Variants in NEK1 observed in about 807,000 individuals in gnomAD.
NEK1 encodes the protein serine/threonine-protein kinase Nek1.
A neutral mutation model predicts 182.1 loss-of-function variants in NEK1; 137 were observed. The observed-to-expected ratio is 0.75, with a 90% CI of 0.65 to 0.87. The LOEUF is 0.87. Among genes scored for constraint, NEK1 ranks in the 40% least tolerant of loss-of-function variants. The pLI is 0.00. For missense variants in NEK1, 1,391 were observed against 1,494.4 expected (o/e 0.93, Z 1.14); for synonymous variants, 513 against 492.2 (o/e 1.04, Z -0.56).
chr4:169,401,278 A>C (rs1731635339), intron 33 of NEK1, among the ~76,000 whole-genome samples: 1 of 152,200 alleles, frequency 6.6e-6, no homozygotes, highest in Non-Finnish European at 1.5e-5. Flanking sequence ...AAGAGTTTTT[A>C]GTACTTTAAA....
At chr4:169,536,247 A>T (rs1175462961) in intron 19 of NEK1, among the ~76,000 whole-genome samples, 1 of 151,262 alleles carries the variant, frequency 6.6e-6, no homozygotes, top group Non-Finnish European at 1.5e-5. Context: ...CACTGACCCA[A>T]GATCACGCCA....
chr4:169,464,303 C>T (rs1744524843), intron 26 of NEK1, among the ~76,000 whole-genome samples: 1 of 152,092 alleles, frequency 6.6e-6, no homozygotes, highest in Non-Finnish European at 1.5e-5. Context: ...CAGTCTCCAC[C>T]CACGAAACTG....
At position 169,570,176 on chromosome 4, in the gene NEK1, C is replaced by T. The variant is rs372452378; in HGVS notation, c.1020+6752G>A. The stretch of plus-strand genomic sequence containing the variant: ...CTGGGATGTGAGGAGCGCCTCTGCC[C>T]GGCTGCGACCCCGTCTGGGAGGTGA... On this transcript the variant is annotated intron_variant, in intron 12 of 35. Coordinates refer to ENST00000507142, the MANE Select transcript of NEK1 (RefSeq NM_001199397.3). Among the ~76,000 whole-genome samples the T allele has an allele frequency of 1.5e-3, 224 of 151,722 alleles. 4 individuals are homozygous for T. The highest frequency in any genetic ancestry group is 0.013 in the East Asian group (66 of 5,088).
intron 5 of NEK1, among the ~76,000 whole-genome samples, chr4:169,597,831 G>C (rs1769807591): frequency 6.6e-6 from 1 of 152,132 alleles, no homozygotes; most frequent in Non-Finnish European, 1.5e-5. Flanking sequence ...CTACTCGGGA[G>C]GCTGAGGCAG....
chr4:169,397,997 C>A (rs1731002815), intron 35 of NEK1, among the ~76,000 whole-genome samples: 1 of 152,146 alleles, frequency 6.6e-6, no homozygotes, highest in Non-Finnish European at 1.5e-5. Flanking sequence ...ATACACTCTA[C>A]AGAATTACTG....
At chr4:169,488,871 T>G (rs200297711) in intron 23 of NEK1, among the ~76,000 whole-genome samples, 4 of 152,188 alleles carry the variant, frequency 2.6e-5, no homozygotes, top group African/African-American at 7.2e-5. Context: ...AATTTTTTTT[T>G]GTATATTAAG....
At chr4:169,568,950 A>AC (rs1310607897) in intron 12 of NEK1, among the ~76,000 whole-genome samples, 2 of 150,130 alleles carry the variant, frequency 1.3e-5, no homozygotes, top group Non-Finnish European at 3.0e-5. Context: ...AAAAAAAAAA[A>AC]AGAAAACCCA....
At chr4:169,541,719 C>A (rs1759450069) in intron 18 of NEK1, among the ~76,000 whole-genome samples, 1 of 152,166 alleles carries the variant, frequency 6.6e-6, no homozygotes, top group Admixed American at 6.5e-5. Context: ...GACAAAAGAA[C>A]CATTCAGATT....
At chr4:169,491,015 C>T (rs923664811) in intron 23 of NEK1, among the ~76,000 whole-genome samples, 6 of 151,586 alleles carry the variant, frequency 4.0e-5, no homozygotes, top group Admixed American at 1.3e-4. Context: ...TGGTGGCATG[C>T]GCCTGTAGTC....
intron 12 of NEK1, among the ~76,000 whole-genome samples, chr4:169,574,149 CTCTT>C (rs1273629310): frequency 6.6e-6 from 1 of 152,032 alleles, no homozygotes; most frequent in Non-Finnish European, 1.5e-5. Context: ...CAGAGCAAGA[CTCTT>C]TCTCAAAAAG....
chr4:169,610,596 A>T (rs1462198395), intron 2 of NEK1, among the ~76,000 whole-genome samples: 2 of 152,236 alleles, frequency 1.3e-5, no homozygotes, highest in African/African-American at 4.8e-5. Flanking sequence ...TACAGGTAAG[A>T]GCCACAGCAC....
intron 27 of NEK1, among the ~76,000 whole-genome samples, chr4:169,439,547 C>G (rs1413082585): frequency 6.6e-6 from 1 of 152,130 alleles, no homozygotes; most frequent in East Asian, 1.9e-4. Context: ...TTCAGCCCTA[C>G]CATTCTGCAA....
intron 26 of NEK1, among the ~76,000 whole-genome samples, chr4:169,468,937 CTG>C (rs1745427403): frequency 6.6e-6 from 1 of 151,880 alleles, no homozygotes; most frequent in Non-Finnish European, 1.5e-5. Context: ...TGATGGTAGT[CTG>C]TATTTCTGTG....
chr4:169,565,897 T>A (rs1467339193), intron 12 of NEK1, among the ~76,000 whole-genome samples: 1 of 152,214 alleles, frequency 6.6e-6, no homozygotes, highest in Non-Finnish European at 1.5e-5. Flanking sequence ...GTTATGCAAC[T>A]CTATAAATAC....
At chr4:169,478,132 A>G in intron 24 of NEK1, among the ~76,000 whole-genome samples, 1 of 152,080 alleles carries the variant, frequency 6.6e-6, no homozygotes, top group South Asian at 2.1e-4. Flanking sequence ...ATACGAAAAG[A>G]AGAAATTAGC....
rs1745416320 is a variant in NEK1 at position 169,468,903 on chromosome 4, CAT to C, written c.2435-5510_2435-5509del. Among the ~76,000 whole-genome samples, 4 of 152,284 alleles carry C rather than the reference CAT, an allele frequency of 2.6e-5. No individual in the cohort carries two copies. In the East Asian group the frequency reaches 5.8e-4, roughly 22 times the overall value. On this transcript the variant is annotated intron_variant, in intron 26 of 35. Coordinates refer to ENST00000507142, the MANE Select transcript of NEK1 (RefSeq NM_001199397.3). ...TCTTCTAGATTTACTAGTTTATTTGCATAGAGGTGTTTATAGTATTCTCTGAT... is the reference window on the plus strand; with the variant it reads ...TCTTCTAGATTTACTAGTTTATTTGCAGAGGTGTTTATAGTATTCTCTGAT...
chr4:169,524,461 C>CAAAAAAAA (rs953408098), intron 19 of NEK1, among the ~76,000 whole-genome samples: 1 of 50,596 alleles, frequency 2.0e-5, no homozygotes, highest in African/African-American at 5.3e-5. Context: ...AATTCCATCT[C>CAAAAAAAA]AAAAAAAAAA....
chr4:169,492,082 A>G (rs561260440), intron 23 of NEK1, among the ~76,000 whole-genome samples: 38 of 152,358 alleles, frequency 2.5e-4, no homozygotes, highest in African/African-American at 8.7e-4. Context: ...AGAAGAAGAA[A>G]GGAACAAAGG....
chr4:169,587,369 T>C (rs996067217), intron 9 of NEK1, among the ~76,000 whole-genome samples, 190 bp downstream of exon 9: 4 of 151,808 alleles, frequency 2.6e-5, no homozygotes, highest in African/African-American at 4.8e-5. Flanking sequence ...ATAGCAAATA[T>C]ACCAGATATG....
Sources: allele counts gnomAD v4.1 joint callset (sites outside exome capture counted in the v4.1 genomes callset), GRCh38; gene constraint gnomAD v4.1.1; transcripts MANE v1.5; gene names NCBI Gene and HGNC (gene_info 2026-07-23, HGNC 2026-07-21).